ERC1: variants seen among roughly 807,000 people sequenced by gnomAD.
ERC1 encodes the protein RAB6 interacting protein 2.
Under a neutral mutation model 132.0 loss-of-function variants are expected in ERC1, and 56 were observed. That is an observed-to-expected ratio of 0.42 (90% CI 0.34 to 0.53). ERC1 has a LOEUF of 0.53. ERC1 is among the 20% of genes least tolerant of loss of function. The pLI is 0.03. For synonymous variants in ERC1, 478 were observed against 476.1 expected (o/e 1.00, Z -0.05); for missense variants, 1,202 against 1,349.9 (o/e 0.89, Z 1.72).
At chr12:1,014,485 AAAGT>A (rs1965200806) in intron 1 of ERC1, among the ~76,000 whole-genome samples, 1 of 152,142 alleles carries the variant, frequency 6.6e-6, no homozygotes, top group African/African-American at 2.4e-5. Flanking sequence ...CAAAAAAAGT[AAAGT>A]AATACACACT....
chr12:1,424,793 T>TGATAGATAGATAGATA (rs139054161), intron 17 of ERC1, among the ~76,000 whole-genome samples: 1 of 110,092 alleles, frequency 9.1e-6, no homozygotes, highest in Non-Finnish European at 1.9e-5. Flanking sequence ...GAGCTTGAGA[T>TGATAGATAGATAGATA]GATAGATAGA....
Position 1,019,378 on chromosome 12 carries a change from G to C in ERC1, c.-156-8370G>C, listed in dbSNP as rs376206548. Among the ~76,000 whole-genome samples the C allele has an allele frequency of 7.9e-5, 12 of 152,296 alleles. No homozygotes were observed. The East Asian group carries it at 1.7e-3, about 22-fold the overall frequency. On this transcript the variant is annotated intron_variant, in intron 1 of 18. Transcript: ENST00000360905. ...TAGCTCAAGTGATCATCCTGCCTCGGGTTCCCGAAGTGCTGGGGTTATAGG... is the reference window on the plus strand; with the variant it reads ...TAGCTCAAGTGATCATCCTGCCTCGCGTTCCCGAAGTGCTGGGGTTATAGG...
At chr12:1,359,805 A>G (rs1455307317) in intron 15 of ERC1, among the ~76,000 whole-genome samples, 1 of 152,248 alleles carries the variant, frequency 6.6e-6, no homozygotes, top group Non-Finnish European at 1.5e-5. Context: ...AGTTCCCTAC[A>G]TATTATATTG....
At position 1,141,588 on chromosome 12, in the gene ERC1, A is replaced by G; in HGVS notation, c.1570-32A>G. The G allele has an allele frequency of 1.9e-6, 3 of 1,555,164 alleles. No homozygotes were observed. The Middle Eastern group carries it at 5.2e-4, about 270-fold the overall frequency. ...AAGGAATTACATTCTTTTCTTTTTAATTCATCACTTGTAAAACTCCTACAT... is the reference window on the plus strand; with the variant it reads ...AAGGAATTACATTCTTTTCTTTTTAGTTCATCACTTGTAAAACTCCTACAT... On this transcript the variant is annotated intron_variant, in intron 7 of 18. Coordinates refer to ENST00000360905, the MANE Select transcript of ERC1 (RefSeq NM_178040.4).
Position 1,341,069 on chromosome 12 carries a change from C to CTTTTTTTTTTTTTTTTTT in ERC1, c.2781-30739_2781-30722dup, listed in dbSNP as rs35902573. ...AATGTCCACTTATTCTTTTCTTTTT[C>CTTTTTTTTTTTTTTTTTT]TTTTTTTTTTTTTTTTTTTTTTTTT... On this transcript the variant is annotated intron_variant, in intron 15 of 18. Coordinates refer to ENST00000360905, the MANE Select transcript of ERC1 (RefSeq NM_178040.4). Among the ~76,000 whole-genome samples the CTTTTTTTTTTTTTTTTTT allele has an allele frequency of 4.6e-3, 288 of 63,126 alleles. 73 individuals are homozygous for CTTTTTTTTTTTTTTTTTT. The highest frequency in any genetic ancestry group is 0.01 in the East Asian group (14 of 1,372). The allele number at this position is 63,126 out of a possible 152,430, so 41.4% of individuals were successfully genotyped here.
intron 8 of ERC1, among the ~76,000 whole-genome samples, chr12:1,166,388 C>G (rs1002102943): frequency 6.6e-6 from 1 of 152,146 alleles, no homozygotes; most frequent in South Asian, 2.1e-4. Context: ...GTGAGGCCTC[C>G]CTATTCATGT....
At chr12:1,068,990 G>A (rs991768522) in intron 2 of ERC1, among the ~76,000 whole-genome samples, 1 of 152,104 alleles carries the variant, frequency 6.6e-6, no homozygotes, top group African/African-American at 2.4e-5. Flanking sequence ...GAAACATAAG[G>A]TCTTATATTG....
At chr12:1,417,378 C>T (rs753301327) in intron 17 of ERC1, among the ~76,000 whole-genome samples, 9 of 152,052 alleles carry the variant, frequency 5.9e-5, no homozygotes, top group Non-Finnish European at 1.2e-4. Context: ...CTCTAAGTCA[C>T]CATCTCATCT....
intron 10 of ERC1, among the ~76,000 whole-genome samples, chr12:1,182,665 T>TTTG (rs1222648462): frequency 6.6e-6 from 1 of 151,968 alleles, no homozygotes; most frequent in Non-Finnish European, 1.5e-5. Flanking sequence ...ATGTGATTTT[T>TTTG]TTTTTTTCTT....
intron 15 of ERC1, among the ~76,000 whole-genome samples, chr12:1,291,192 C>G (rs936699736): frequency 3.9e-5 from 6 of 152,132 alleles, no homozygotes; most frequent in African/African-American, 7.2e-5. Flanking sequence ...CTTTCACGTT[C>G]TTGGGCTATA....
At chr12:994,243 C>CAGT (rs1565734220) in intron 1 of ERC1, among the ~76,000 whole-genome samples, 2 of 152,048 alleles carry the variant, frequency 1.3e-5, no homozygotes, top group African/African-American at 4.8e-5. Flanking sequence ...GTTTAAGAAT[C>CAGT]AGTAGTACAT....
At chr12:1,021,621 C>G (rs2154145607) in intron 1 of ERC1, among the ~76,000 whole-genome samples, 1 of 151,848 alleles carries the variant, frequency 6.6e-6, no homozygotes, top group East Asian at 1.9e-4. Context: ...ATGGCATGAA[C>G]CCGGGAGGCG....
At chr12:1,398,797 C>T (rs2090757225) in intron 16 of ERC1, among the ~76,000 whole-genome samples, 1 of 152,130 alleles carries the variant, frequency 6.6e-6, no homozygotes, top group African/African-American at 2.4e-5. Flanking sequence ...AAGATGGTAC[C>T]TTGTTGCTGT....
intron 3 of ERC1, among the ~76,000 whole-genome samples, chr12:1,093,990 A>C (rs1474580803): frequency 2.2e-5 from 1 of 44,742 alleles, no homozygotes; most frequent in Admixed American, 2.7e-4. Flanking sequence ...TATATAGAAA[A>C]ACATAGAAAA....
At chr12:1,302,068 G>T (rs758992430) in intron 15 of ERC1, among the ~76,000 whole-genome samples, 1 of 152,164 alleles carries the variant, frequency 6.6e-6, no homozygotes, top group Non-Finnish European at 1.5e-5. Flanking sequence ...TTACACATCA[G>T]TGTCACTCAT....
At chr12:1,255,652 A>C (rs1170992521) in intron 13 of ERC1, among the ~76,000 whole-genome samples, 1 of 10,384 alleles carries the variant, frequency 9.6e-5, no homozygotes, top group Non-Finnish European at 2.2e-4. Flanking sequence ...TTTTTTTTTG[A>C]GACGGAGTCT....
chr12:1,335,643 A>G (rs562583395), intron 15 of ERC1, among the ~76,000 whole-genome samples: 3 of 151,818 alleles, frequency 2.0e-5, no homozygotes, highest in Admixed American at 2.0e-4. Flanking sequence ...TTTGTTGAGG[A>G]TTTTGCATTG....
At position 1,495,825 on chromosome 12, in the gene ERC1, T is replaced by C. The variant is rs529015057; in HGVS notation, c.*5595T>C. 2 of 209,188 alleles carry C rather than the reference T, an allele frequency of 9.6e-6. No homozygotes were observed. Among genetic ancestry groups the C allele is most frequent in the East Asian group, 1.4e-4 (2 of 13,812 alleles). The allele number at this position is 209,188 out of a possible 1,614,324, so 13.0% of individuals were successfully genotyped here. A position where few individuals can be genotyped will look rare whatever the true frequency, so the allele number is the denominator to read the frequency against. ...GGATAATGACATTACAAAGAAATTG[T>C]GTTATATTCAACTTTGCCTTGATAA... On this transcript the variant is annotated 3_prime_UTR_variant, in exon 19 of 19. Coordinates refer to ENST00000360905, the MANE Select transcript of ERC1 (RefSeq NM_178040.4).
rs781339544 is a variant in ERC1, at chr12:1,083,593, T to C, written c.1086+13T>C. ...TATGTTGAGAGAGGTATGTGACTAC[T>C]TTTTTAGTTTTATGATTTGTTGGTT... is the stretch of plus-strand genomic sequence containing the variant. On this transcript the variant is annotated intron_variant, in intron 3 of 18. Coordinates refer to ENST00000360905, the MANE Select transcript of ERC1 (RefSeq NM_178040.4). 3.9e-6 allele frequency: 6 copies of C among 1,556,032 alleles called. No individual in the cohort carries two copies.
Sources: gnomAD v4.1 joint callset for allele counts (sites outside exome capture counted in the v4.1 genomes callset) on GRCh38, gnomAD v4.1.1 for gene constraint, MANE v1.5 for transcripts, NCBI Gene and HGNC (gene_info 2026-07-23, HGNC 2026-07-21) for gene names.